Variants in KAZN observed in about 807,000 individuals in gnomAD.
KAZN encodes the protein kazrin.
Under a neutral mutation model 87.4 loss-of-function variants are expected in KAZN, and 40 were observed. That is an observed-to-expected ratio of 0.46 (90% CI 0.36 to 0.60). KAZN has a LOEUF of 0.60. KAZN is among the 20% of genes least tolerant of loss of function. The pLI, the probability that KAZN is intolerant of heterozygous loss-of-function variation, is 0.00. For synonymous variants in KAZN, 466 were observed against 458.3 expected (o/e 1.02, Z -0.22); for missense variants, 898 against 1,073.9 (o/e 0.84, Z 2.29).
At chr1:14,413,538 G>A (rs994093729) in intron 2 of KAZN, among the ~76,000 whole-genome samples, 2 of 135,786 alleles carry the variant, frequency 1.5e-5, no homozygotes, top group Non-Finnish European at 1.5e-5. Context: ...GCAGTGAGCC[G>A]AGATCGCGCC....
chr1:14,303,285 C>T (rs1254118945), intron 2 of KAZN, among the ~76,000 whole-genome samples: 1 of 152,072 alleles, frequency 6.6e-6, no homozygotes, highest in Non-Finnish European at 1.5e-5. Context: ...ACTCTGTTGC[C>T]CAGGATGGAG....
chr1:14,813,940 A>G (rs1441586699), intron 1 of KAZN, among the ~76,000 whole-genome samples: 1 of 152,210 alleles, frequency 6.6e-6, no homozygotes, highest in African/African-American at 2.4e-5. Context: ...TGATCTGCTA[A>G]GTACTAATTG....
intron 1 of KAZN, among the ~76,000 whole-genome samples, chr1:14,112,595 A>G (rs1303873480): frequency 6.6e-6 from 1 of 152,138 alleles, no homozygotes; most frequent in Non-Finnish European, 1.5e-5. Flanking sequence ...TGTGACTCTG[A>G]TAAGATGTCA....
chr1:14,115,714 AGGCAGG>A (rs1182242439), intron 1 of KAZN, among the ~76,000 whole-genome samples: 2 of 152,206 alleles, frequency 1.3e-5, no homozygotes, highest in Non-Finnish European at 2.9e-5. Flanking sequence ...ATTGAGTAAC[AGGCAGG>A]GGTTGGAACA....
At chr1:14,253,672 G>A (rs780081814) in intron 2 of KAZN, among the ~76,000 whole-genome samples, 2 of 151,982 alleles carry the variant, frequency 1.3e-5, no homozygotes, top group Non-Finnish European at 2.9e-5. Flanking sequence ...GGTAGGGAAG[G>A]CTGCCTCTTT....
chr1:15,044,719 CCT>C lies in KAZN; in HGVS notation c.726+561_726+562del, dbSNP rs367705274. 1.8e-3 allele frequency among the ~76,000 whole-genome samples: 267 copies of C among 147,750 alleles called. 2 individuals are homozygous for C. The highest frequency in any genetic ancestry group is 6.6e-3 in the African/African-American group (261 of 39,396). On this transcript the variant is annotated intron_variant, in intron 4 of 14. Transcript: ENST00000376030. Reference sequence around the variant, plus strand: ...ACCCCAGCCTGGGCGACAGTGAGACCCTGTCTCAAACAAAAAAAAAAAAAGGA... The same window carrying C: ...ACCCCAGCCTGGGCGACAGTGAGACCGTCTCAAACAAAAAAAAAAAAAGGA...
intron 1 of KAZN, among the ~76,000 whole-genome samples, chr1:13,953,027 T>A (rs1414492319): frequency 1.3e-5 from 2 of 152,150 alleles, no homozygotes; most frequent in Admixed American, 1.3e-4. Flanking sequence ...TGGGCTGCCC[T>A]GGAGTATTGA....
At position 14,769,649 on chromosome 1, in the gene KAZN, C is replaced by T. The variant is rs187483766; in HGVS notation, c.226+170426C>T. Among the ~76,000 whole-genome samples, 75 of 152,282 alleles carry T rather than the reference C, an allele frequency of 4.9e-4. No homozygotes were observed. The highest frequency in any genetic ancestry group is 9.4e-4 in the Non-Finnish European group (64 of 68,032). On this transcript the variant is annotated intron_variant, in intron 1 of 14. Coordinates refer to ENST00000376030, the MANE Select transcript of KAZN (RefSeq NM_201628.3). This position sits in a 1 kb window ranked among gnomAD's most constrained non-coding sequence, Gnocchi z 4.1. ...GATTACAGGCGTGAGCCACCGTGCC[C>T]GGCCTGCCCTTCCAGGTCTTACCAA...
chr1:14,093,462 G>T (rs1203595009), intron 1 of KAZN, among the ~76,000 whole-genome samples: 1 of 152,186 alleles, frequency 6.6e-6, no homozygotes, highest in African/African-American at 2.4e-5. Context: ...AATAGAATAT[G>T]CTAAATAGTT....
chr1:14,161,568 G>A (rs1007875142), intron 1 of KAZN, among the ~76,000 whole-genome samples: 1 of 152,162 alleles, frequency 6.6e-6, no homozygotes, highest in Non-Finnish European at 1.5e-5. Flanking sequence ...AGAGCCACAG[G>A]GTCTTTTATG....
intron 2 of KAZN, among the ~76,000 whole-genome samples, chr1:14,181,143 C>T (rs1461466470): frequency 3.3e-5 from 5 of 152,182 alleles, no homozygotes. Context: ...GTTATCTACT[C>T]CTTCTGGCTT....
At chr1:14,611,702 A>T (rs1677832578) in intron 1 of KAZN, among the ~76,000 whole-genome samples, 1 of 152,030 alleles carries the variant, frequency 6.6e-6, no homozygotes, top group African/African-American at 2.4e-5. Flanking sequence ...AAAAAAAAAA[A>T]AAATTAAGAT....
rs559934576 is a variant in KAZN at position 14,417,421 on chromosome 1, A to G, written c.250-181562A>G. ...AAGGAAAGATACTTAATTTGACTTC[A>G]CCTTCACAGAAAGGTGAACTAAGAA... On this transcript the variant is annotated intron_variant, in intron 2 of 16. Coordinates refer to the KAZN transcript ENST00000636203. 2.8e-4 allele frequency among the ~76,000 whole-genome samples: 43 copies of G among 152,302 alleles called. No individual in the cohort carries two copies. In the East Asian group the frequency reaches 7.5e-3, roughly 27 times the overall value.
intron 2 of KAZN, among the ~76,000 whole-genome samples, chr1:14,448,944 T>C (rs1667123806): frequency 6.6e-6 from 1 of 152,174 alleles, no homozygotes; most frequent in Non-Finnish European, 1.5e-5. Context: ...ATCCCCTTAT[T>C]ATACAGATGG....
intron 2 of KAZN, among the ~76,000 whole-genome samples, chr1:14,199,658 G>A (rs72644406): frequency 0.035 from 5,383 of 152,298 alleles, 145 homozygotes; most frequent in East Asian, 0.071. Context: ...ATTGACAATA[G>A]TTGCAGCAGG....
intron 1 of KAZN, among the ~76,000 whole-genome samples, chr1:14,121,891 C>A (rs990545135): frequency 1.3e-5 from 2 of 152,128 alleles, no homozygotes; most frequent in African/African-American, 2.4e-5. Flanking sequence ...ATTCCAGATG[C>A]AGGAAATAGC....
Position 15,112,452 on chromosome 1 carries a change from C to T in KAZN, c.2074C>T (p.Arg692Cys), listed in dbSNP as rs1396435544. 6.2e-6 allele frequency: 10 copies of T among 1,604,342 alleles called. No homozygotes were observed. Among genetic ancestry groups the T allele is most frequent in the East Asian group, 2.2e-5 (1 of 44,498 alleles). Residue 692 changes from arginine to cysteine, a missense_variant, in exon 14 of 15, where the codon CGT becomes TGT. By Grantham distance (180) the Arg-to-Cys change is radical. Transcript: ENST00000376030. Reference sequence around the variant, plus strand: ...CTCCACAGGCATCCGGGAGGCTGAGCGTTTTGGAACGCCCCCTGGCAGGGC... The same window carrying T: ...CTCCACAGGCATCCGGGAGGCTGAGTGTTTTGGAACGCCCCCTGGCAGGGC... ...ANSTGIREAE[R>C]FGTPPGRASS... is the part of the protein sequence containing the mutation.
Position 14,178,072 on chromosome 1 carries a change from G to A in KAZN, c.92-2363G>A, listed in dbSNP as rs113891572. Among the ~76,000 whole-genome samples, 1,098 of 152,158 alleles carry A rather than the reference G, an allele frequency of 7.2e-3. 19 individuals carry two copies. The highest frequency in any genetic ancestry group is 0.025 in the African/African-American group (1,042 of 41,506). On this transcript the variant is annotated intron_variant, in intron 1 of 16. Coordinates refer to the KAZN transcript ENST00000636203. The stretch of plus-strand genomic sequence containing the variant: ...ATGCTGTTCTTATGATAATGAGTGA[G>A]TCTCAGGAGATCTGATGGTTTTATA...
At chr1:15,017,274 C>A (rs571402299) in intron 2 of KAZN, among the ~76,000 whole-genome samples, 3 of 151,984 alleles carry the variant, frequency 2.0e-5, no homozygotes, top group Admixed American at 1.3e-4. Flanking sequence ...CTCCAGCTTG[C>A]GCAACAGAGC....
Sources: gnomAD v4.1 joint callset for allele counts (sites outside exome capture counted in the v4.1 genomes callset) on GRCh38, gnomAD v4.1.1 for gene constraint, Gnocchi (gnomAD v3.1) non-coding constraint, MANE v1.5 for transcripts, NCBI Gene and HGNC (gene_info 2026-07-23, HGNC 2026-07-21) for gene names.